DYSF: variants seen among roughly 807,000 people sequenced by gnomAD.
DYSF encodes the protein dysferlin, also known as dystrophy-associated fer-1-like 1.
In DYSF, 212 loss-of-function variants were observed where a neutral mutation model predicts 274.9. The observed-to-expected ratio is 0.77, with a 90% confidence interval of 0.69 to 0.86. DYSF has a LOEUF of 0.86. DYSF is among the 40% of genes least tolerant of loss of function. The pLI is 0.00. For missense variants in DYSF, 2,666 were observed against 2,783.2 expected, an observed-to-expected ratio of 0.96 and a Z score of 0.95; for synonymous variants, 1,091 against 1,078.7, an observed-to-expected ratio of 1.01 and a Z score of -0.22.
intron 22 of DYSF, among the ~76,000 whole-genome samples, chr2:71,559,807 A>C (rs1336394549): frequency 6.6e-6 from 1 of 152,132 alleles, no homozygotes; most frequent in Non-Finnish European, 1.5e-5. Flanking sequence ...TGTTCTGCGG[A>C]CTTCCTGAGA....
chr2:71,606,351 C>G (rs532739104), intron 36 of DYSF, among the ~76,000 whole-genome samples: 1 of 152,110 alleles, frequency 6.6e-6, no homozygotes, highest in Admixed American at 6.5e-5. Context: ...GGGAGCAAGA[C>G]GGGAGCTGGT....
intron 40 of DYSF, among the ~76,000 whole-genome samples, chr2:71,618,967 T>C (rs997558503): frequency 2.6e-5 from 4 of 151,928 alleles, no homozygotes; most frequent in South Asian, 2.1e-4. Flanking sequence ...GCTCCAGTTA[T>C]AGTCTCTGGG....
At chr2:71,562,059 G>A (rs777787027) in intron 23 of DYSF, 115 bp downstream of exon 23, 6 of 1,427,506 alleles carry the variant, frequency 4.2e-6, no homozygotes, top group Non-Finnish European at 5.7e-6. Flanking sequence ...CCATTGCTGG[G>A]TGACCTTGGG....
intron 32 of DYSF, among the ~76,000 whole-genome samples, chr2:71,598,073 T>C (rs1330192868): frequency 6.6e-6 from 1 of 152,232 alleles, no homozygotes. Context: ...CTGCATTTTA[T>C]GTCTATTCTT....
At chr2:71,485,105 A>C (rs2083261194) in intron 3 of DYSF, among the ~76,000 whole-genome samples, 1 of 152,238 alleles carries the variant, frequency 6.6e-6, no homozygotes, top group Admixed American at 6.5e-5. Flanking sequence ...TTTAAATGTA[A>C]TTTTTGATTT....
intron 1 of DYSF, among the ~76,000 whole-genome samples, chr2:71,456,525 C>T (rs574541558): frequency 1.5e-4 from 23 of 152,298 alleles, no homozygotes; most frequent in Admixed American, 1.2e-3. Context: ...GAAGCCTTCC[C>T]TCCCCAGCTG....
At chr2:71,669,429 G>A (rs1020038948) in intron 50 of DYSF, among the ~76,000 whole-genome samples, 176 bp from the exon 51 acceptor site, 6 of 152,204 alleles carry the variant, frequency 3.9e-5, no homozygotes, top group Non-Finnish European at 7.3e-5. Flanking sequence ...TAGTGGCTGG[G>A]AAGTTAGAAT....
intron 32 of DYSF, among the ~76,000 whole-genome samples, chr2:71,595,140 C>T (rs2093370426): frequency 6.6e-6 from 1 of 152,128 alleles, no homozygotes; most frequent in African/African-American, 2.4e-5. Context: ...GGCATAGTGC[C>T]CAATTGCTTT....
chr2:71,580,896 G>A (rs368244429), intron 30 of DYSF, among the ~76,000 whole-genome samples: 1 of 152,222 alleles, frequency 6.6e-6, no homozygotes, highest in Non-Finnish European at 1.5e-5. Flanking sequence ...CAAAATGCCA[G>A]CGCCCAGATT....
At chr2:71,568,796 A>G (rs528838867) in intron 26 of DYSF, among the ~76,000 whole-genome samples, 1 of 152,046 alleles carries the variant, frequency 6.6e-6, no homozygotes, top group East Asian at 1.9e-4. Flanking sequence ...CCTGGGCTCA[A>G]GTGATTCTCC....
intron 52 of DYSF, among the ~76,000 whole-genome samples, chr2:71,675,494 G>C (rs761595404): frequency 6.6e-6 from 1 of 152,188 alleles, no homozygotes; most frequent in Non-Finnish European, 1.5e-5. Flanking sequence ...CCCTGCAGGG[G>C]ATATTCTGAG....
intron 4 of DYSF, among the ~76,000 whole-genome samples, chr2:71,504,120 G>GGGCAGATCTCTGAAT (rs1207860099): frequency 6.6e-6 from 1 of 152,180 alleles, no homozygotes; most frequent in Non-Finnish European, 1.5e-5. Flanking sequence ...TAGCCGGTCT[G>GGGCAGATCTCTGAAT]GGCAGATCTC....
chr2:71,633,457 C>T (rs2152912376), intron 41 of DYSF, among the ~76,000 whole-genome samples: 1 of 152,230 alleles, frequency 6.6e-6, no homozygotes, highest in Middle Eastern at 3.4e-3. Flanking sequence ...GGAGATCAAA[C>T]TGATGACACT....
At chr2:71,633,106 G>A (rs907764145) in intron 41 of DYSF, among the ~76,000 whole-genome samples, 3 of 152,220 alleles carry the variant, frequency 2.0e-5, no homozygotes, top group Non-Finnish European at 2.9e-5. Flanking sequence ...AAAGCCCAGT[G>A]TTCCACTTGT....
At chr2:71,551,187 G>A in intron 18 of DYSF, 31 bp downstream of exon 18, 1 of 1,604,322 alleles carries the variant, frequency 6.2e-7, no homozygotes, top group Non-Finnish European at 8.5e-7. Context: ...GCAAGGGCAG[G>A]ATGCCAGATG....
chr2:71,454,841 A>C (rs2080987857), intron 1 of DYSF, among the ~76,000 whole-genome samples: 1 of 152,038 alleles, frequency 6.6e-6, no homozygotes, highest in African/African-American at 2.4e-5. Context: ...CCAGGAGCTG[A>C]GGGCTGGGCC....
chr2:71,646,633 C>T (rs1443961327), intron 42 of DYSF, among the ~76,000 whole-genome samples: 2 of 151,990 alleles, frequency 1.3e-5, no homozygotes, highest in Non-Finnish European at 2.9e-5. Context: ...AAAACAACTC[C>T]TAATCTAAAT....
intron 50 of DYSF, 36 bp downstream of exon 50, chr2:71,669,243 C>T (rs949132623): frequency 6.6e-7 from 1 of 1,522,282 alleles, no homozygotes; most frequent in South Asian, 1.2e-5. Context: ...GTCCAGCTTC[C>T]CGCAGCTCCC....
chr2:71,641,203 G>A (rs2094479944), intron 41 of DYSF, among the ~76,000 whole-genome samples: 1 of 129,460 alleles, frequency 7.7e-6, no homozygotes, highest in East Asian at 2.1e-4. Flanking sequence ...TTTTGAGACG[G>A]AGTCTCGCTC....
Sources: allele counts gnomAD v4.1 joint callset (sites outside exome capture counted in the v4.1 genomes callset), GRCh38; gene constraint gnomAD v4.1.1; transcripts MANE v1.5; gene names NCBI Gene and HGNC (gene_info 2026-07-23, HGNC 2026-07-21).